Variants in MYO7B observed in about 807,000 individuals in gnomAD.
The protein encoded by MYO7B is myosin VIIB, also known as unconventional myosin-VIIb.
Under a neutral mutation model 259.7 loss-of-function variants are expected in MYO7B, and 212 were observed. The ratio of observed to expected loss-of-function variants is 0.82; its 90% CI spans 0.73 to 0.91. MYO7B has a LOEUF of 0.91. Among genes scored for constraint, MYO7B ranks in the 40% least tolerant of loss-of-function variants. MYO7B has a pLI of 0.00. For missense variants in MYO7B, 2,732 were observed against 2,813.5 expected, an observed-to-expected ratio of 0.97 and a Z score of 0.66; for synonymous variants, 1,197 against 1,166.4, an observed-to-expected ratio of 1.03 and a Z score of -0.54.
rs964503488 is a variant in MYO7B at position 127,608,514 on chromosome 2, G to C, written c.2644-194G>C. On this transcript the variant is annotated intron_variant, in intron 21 of 47. Coordinates refer to ENST00000409816, the MANE Select transcript of MYO7B (RefSeq NM_001393586.1). The stretch of plus-strand genomic sequence containing the variant: ...TCTGATTATCACTGGGAAAGGGAAA[G>C]CCCTGGCTGGTTGATCTCTAACCAC... Among the ~76,000 whole-genome samples, 3 of 152,258 alleles carry C rather than the reference G, an allele frequency of 2.0e-5. No homozygotes were observed. In the East Asian group the frequency reaches 5.8e-4, roughly 29 times the overall value.
chr2:127,553,299 G>A (rs1223058222), intron 1 of MYO7B, among the ~76,000 whole-genome samples: 2 of 152,202 alleles, frequency 1.3e-5, no homozygotes, highest in African/African-American at 4.8e-5. Flanking sequence ...TGAGAAGAAT[G>A]ATGGTGGTAT....
rs375880137 is a variant in MYO7B, at chr2:127,628,446, T to G, written c.4535T>G (p.Val1512Gly). 1.9e-6 allele frequency: 3 copies of G among 1,585,208 alleles called. No individual in the cohort carries two copies. The African/African-American group carries it at 4.0e-5, about 21-fold the overall frequency. The change falls in exon 34 of 48, where the codon GTG (valine) becomes GGG (glycine). Residue 1512 changes from valine (V) to glycine (G), a missense_variant. By Grantham distance (109) the Val-to-Gly change is moderately radical. Around this residue, in one of 3 missense-constraint regions of MYO7B, gnomAD observed 1,906 missense variants for 2,026.4 expected, o/e 0.94. Coordinates refer to ENST00000409816, the MANE Select transcript of MYO7B (RefSeq NM_001393586.1). The surrounding 1 kb of genome is among the most constrained non-coding windows in gnomAD (Gnocchi z 4.8). ...EEYEFVSPSS[V>G]AIAELVALFL... is the part of the protein sequence containing the mutation. ...TACGAGTTTGTGTCACCCAGCAGTGTGGCCATCGCTGAGCTGGTGGCCCTG... is the reference window on the plus strand; with the variant it reads ...TACGAGTTTGTGTCACCCAGCAGTGGGGCCATCGCTGAGCTGGTGGCCCTG...
At chr2:127,554,395 G>A (rs950019269) in intron 1 of MYO7B, among the ~76,000 whole-genome samples, 11 of 152,148 alleles carry the variant, frequency 7.2e-5, no homozygotes, top group African/African-American at 2.4e-4. Context: ...ATTGACTTGC[G>A]TATGTTAAAC....
In MYO7B at chr2:127,559,947, G is replaced by T. The variant is rs558067829; in HGVS notation, c.18+207G>T. ...GCCTCGGCAATACATGTATAGTTAT[G>T]TATAGTTATCCCTCACTTTCATGTA... On this transcript the variant is annotated intron_variant, in intron 2 of 47. Coordinates refer to ENST00000409816, the MANE Select transcript of MYO7B (RefSeq NM_001393586.1). This position sits in a 1 kb window ranked among gnomAD's most constrained non-coding sequence, Gnocchi z 4.1. Among the ~76,000 whole-genome samples, 1 of 151,988 alleles carries T rather than the reference G, an allele frequency of 6.6e-6. No individual in the cohort carries two copies. The highest frequency in any genetic ancestry group is 1.5e-5 in the Non-Finnish European group (1 of 67,982).
At position 127,615,678 on chromosome 2, in the gene MYO7B, A is replaced by G. The variant is rs1680542921; in HGVS notation, c.3398+3075A>G. On this transcript the variant is annotated intron_variant, in intron 26 of 47. Transcript: ENST00000409816. The surrounding 1 kb of genome is among the most constrained non-coding windows in gnomAD (Gnocchi z 4.4). ...GGTAGACGCGGTTTGTCAGTTGGCC[A>G]ACATTCTGCTTTTATGAGAACAGTT... Among the ~76,000 whole-genome samples, 2 of 151,976 alleles carry G rather than the reference A, an allele frequency of 1.3e-5. No individual in the cohort carries two copies. Among genetic ancestry groups the G allele is most frequent in the South Asian group, 2.1e-4 (1 of 4,808 alleles).
intron 3 of MYO7B, 58 bp from the exon 4 acceptor site, chr2:127,565,175 C>A: frequency 6.4e-7 from 1 of 1,566,126 alleles, no homozygotes; most frequent in Non-Finnish European, 8.7e-7. Flanking sequence ...GAGGGTGTGG[C>A]AGGCTGGCCA....
rs550258726 is a variant in MYO7B at position 127,620,862 on chromosome 2, G to C, written c.3525+396G>C. On this transcript the variant is annotated intron_variant, in intron 27 of 47. Coordinates refer to ENST00000409816, the MANE Select transcript of MYO7B (RefSeq NM_001393586.1). ...CTGAAAATGGAGCTGGGTTGGCCGA[G>C]TGTTAGTGGCCCCAAGCTTCACTGA... Among the ~76,000 whole-genome samples the C allele has an allele frequency of 1.6e-4, 25 of 152,382 alleles. No individual in the cohort carries two copies. The South Asian group carries it at 5.0e-3, about 30-fold the overall frequency.
intron 1 of MYO7B, among the ~76,000 whole-genome samples, chr2:127,555,330 C>T (rs1399677509): frequency 6.6e-6 from 1 of 152,174 alleles, no homozygotes; most frequent in Admixed American, 6.5e-5. Context: ...TTTCAAAAAA[C>T]CACCTTTTTG....
Position 127,609,378 on chromosome 2 carries a change from T to C in MYO7B, c.2815-128T>C. 3.7e-6 allele frequency: 3 copies of C among 819,774 alleles called. No homozygotes were observed. Among genetic ancestry groups the C allele is most frequent in the Non-Finnish European group, 5.9e-6 (3 of 510,262 alleles). The allele number at this position is 819,774 out of a possible 1,614,324, so 50.8% of individuals were successfully genotyped here. A position where few individuals can be genotyped will look rare whatever the true frequency, so the allele number is the denominator to read the frequency against. On this transcript the variant is annotated intron_variant, in intron 22 of 47. Coordinates refer to ENST00000409816, the MANE Select transcript of MYO7B (RefSeq NM_001393586.1). The surrounding 1 kb of genome is among the most constrained non-coding windows in gnomAD (Gnocchi z 6.9). ...GCCCACTGAATGTGGGGATGGGTGG[T>C]CTCCAGCACCTGAGGGATCAGGGTA...
intron 35 of MYO7B, 74 bp downstream of exon 35, chr2:127,629,900 G>A (rs1457024723): frequency 2.1e-6 from 3 of 1,421,590 alleles, no homozygotes; most frequent in Non-Finnish European, 2.8e-6. Context: ...ATGCCTAGTT[G>A]GGAGGCCTAG....
chr2:127,625,403 C>T lies in MYO7B; in HGVS notation c.4083C>T (p.Cys1361=). 4.4e-6 allele frequency: 7 copies of T among 1,605,744 alleles called. No individual in the cohort carries two copies. The highest frequency in any genetic ancestry group is 5.9e-6 in the Non-Finnish European group (7 of 1,176,986). Residue 1361 remains cysteine, a synonymous_variant, in exon 31 of 48, where the codon TGC becomes TGT. Coordinates refer to ENST00000409816, the MANE Select transcript of MYO7B (RefSeq NM_001393586.1). ...EELVELLARH[C]YVQLGASAES... is the part of the protein sequence containing the mutation. Reference sequence around the variant, plus strand: ...TGGTTGAGCTGCTGGCCCGGCACTGCTACGTGCAGCTCGGCGCCTCAGCAG... The same window carrying T: ...TGGTTGAGCTGCTGGCCCGGCACTGTTACGTGCAGCTCGGCGCCTCAGCAG...
Position 127,569,779 on chromosome 2 carries a change from CT to C in MYO7B, c.471-5del. On this transcript the variant is annotated splice_polypyrimidine_tract_variant and intron_variant, in intron 5 of 47. Coordinates refer to ENST00000409816, the MANE Select transcript of MYO7B (RefSeq NM_001393586.1). The stretch of plus-strand genomic sequence containing the variant: ...TTGTGGCATCATGTCCCTGCACACC[CT>C]TTTTGCAGCGGCGAGTCTGGGGCTG... The C allele has an allele frequency of 6.2e-7, 1 of 1,608,696 alleles. No homozygotes were observed. The highest frequency in any genetic ancestry group is 8.5e-7 in the Non-Finnish European group (1 of 1,176,366).
intron 14 of MYO7B, among the ~76,000 whole-genome samples, chr2:127,587,568 C>CT (rs61624532): frequency 0.047 from 5,779 of 122,372 alleles, 371 homozygotes; most frequent in African/African-American, 0.13. Context: ...TTCTTTCTTT[C>CT]TTTTTTTTTT....
chr2:127,581,876 C>A lies in MYO7B; in HGVS notation c.1081-15C>A. On this transcript the variant is annotated splice_polypyrimidine_tract_variant and intron_variant, in intron 10 of 47. Transcript: ENST00000409816. ...TGCTCCACAGGTGCGACGCAGCCCC[C>A]ACCTGCCTCCCCAGGTGCAGCACCA... is the stretch of plus-strand genomic sequence containing the variant. The A allele has an allele frequency of 6.2e-7, 1 of 1,613,328 alleles. No individual in the cohort carries two copies. The highest frequency in any genetic ancestry group is 1.7e-4 in the Middle Eastern group (1 of 6,058).
rs909008046 is a variant in MYO7B at position 127,623,363 on chromosome 2, C to T, written c.3807C>T (p.Ala1269=). Residue 1269 remains alanine (A), a synonymous_variant, in exon 29 of 48, where the codon GCC becomes GCT. Coordinates refer to ENST00000409816, the MANE Select transcript of MYO7B (RefSeq NM_001393586.1). ...ACCTGGGCTTCTCCCTCCAGGTCGC[C>T]GTGTACGACAAGGTACCAGCCAGGC... ...SDHLGFSLQV[A]VYDKFWSLGS... 88 of 1,592,576 alleles carry T rather than the reference C, an allele frequency of 5.5e-5. No individual in the cohort carries two copies. Among genetic ancestry groups the T allele is most frequent in the Non-Finnish European group, 6.7e-5 (78 of 1,169,788 alleles).
intron 41 of MYO7B, 30 bp downstream of exon 41, chr2:127,634,319 G>A (rs1157386373): frequency 1.3e-6 from 2 of 1,492,248 alleles, no homozygotes; most frequent in Admixed American, 2.3e-5. Context: ...GGCAGACGGT[G>A]GGCGGACGGG....
chr2:127,630,193 T>C (rs1253000460), intron 35 of MYO7B, among the ~76,000 whole-genome samples: 1 of 152,184 alleles, frequency 6.6e-6, no homozygotes, highest in Non-Finnish European at 1.5e-5. Context: ...GAGGCAGGAA[T>C]GGCAGGCATT....
In MYO7B at chr2:127,559,732, T is replaced by C. The variant is rs535187718; in HGVS notation, c.10T>C (p.Phe4Leu). 2.5e-6 allele frequency: 4 copies of C among 1,613,884 alleles called. No individual in the cohort carries two copies. In the East Asian group the frequency reaches 6.7e-5, roughly 27 times the overall value. MSG[F>L]RLGDHVWLEP... ...GAACTGCTGACTCAGGATGTCGGGG[T>C]TCAGGCTGGTAAGAATTGTATGATT... is the stretch of plus-strand genomic sequence containing the variant. The change falls in exon 2 of 48, where the codon TTC (phenylalanine) becomes CTC (leucine). Residue 4 changes from phenylalanine to leucine, a missense_variant. Coordinates refer to ENST00000409816, the MANE Select transcript of MYO7B (RefSeq NM_001393586.1). This position sits in a 1 kb window ranked among gnomAD's most constrained non-coding sequence, Gnocchi z 4.1.
Position 127,590,304 on chromosome 2 carries a change from C to A in MYO7B, c.1992+75C>A. On this transcript the variant is annotated intron_variant, in intron 16 of 47. Coordinates refer to ENST00000409816, the MANE Select transcript of MYO7B (RefSeq NM_001393586.1). The surrounding 1 kb of genome is among the most constrained non-coding windows in gnomAD (Gnocchi z 4.6). ...GATGGCCTCTAGGGTTGTGGTCACT[C>A]CCTCTGCCAGGGCCTGGCTAGCGTT... 1 of 1,596,212 alleles carries A rather than the reference C, an allele frequency of 6.3e-7. No individual in the cohort carries two copies. Among genetic ancestry groups the A allele is most frequent in the South Asian group, 1.1e-5 (1 of 89,782 alleles).
Sources: gnomAD v4.1 joint callset for allele counts (sites outside exome capture counted in the v4.1 genomes callset) on GRCh38, gnomAD v4.1.1 for gene constraint, gnomAD v4.1.1 regional missense constraint, Gnocchi (gnomAD v3.1) non-coding constraint, MANE v1.5 for transcripts, NCBI Gene and HGNC (gene_info 2026-07-23, HGNC 2026-07-21) for gene names.